The following TMEM125 variants were observed in gnomAD, a reference collection of about 807,000 sequenced individuals.
TMEM125 encodes the protein transmembrane protein 125.
A neutral mutation model predicts 8.7 loss-of-function variants in TMEM125; 11 were observed. The observed-to-expected ratio is 1.26, with a 90% CI of 0.79 to 2.08. The LOEUF is 2.08. TMEM125 is among the 30% of genes most tolerant of loss of function. TMEM125 has a pLI of 0.00. For synonymous variants in TMEM125, 144 were observed against 146.1 expected (o/e 0.99, Z 0.10); for missense variants, 270 against 302.4 (o/e 0.89, Z 0.79).
chr1:43,270,372 G>A (rs1273704922), intron 1 of TMEM125, among the ~76,000 whole-genome samples: 9 of 152,044 alleles, frequency 5.9e-5, no homozygotes, highest in Admixed American at 2.6e-4. Context: ...CTGGGGCAGG[G>A]GTGGAAGCTG....
rs1379305194 is a variant in TMEM125, at chr1:43,273,766, C to G, written c.*384C>G. The G allele has an allele frequency of 4.3e-6, 1 of 232,610 alleles. No homozygotes were observed. Among genetic ancestry groups the G allele is most frequent in the Non-Finnish European group, 9.2e-6 (1 of 108,978 alleles). 14.4% of individuals were successfully genotyped at this position (232,610 alleles called of 1,614,324 possible). ...TGACTGGTGCCCACCCAAGACTGCA[C>G]CAGTGCCTGCTCATTGAGGAGAGTA... On this transcript the variant is annotated 3_prime_UTR_variant, in exon 4 of 4. Transcript: ENST00000439858.
Position 43,273,421 on chromosome 1 carries a change from C to T in TMEM125, c.*39C>T, listed in dbSNP as rs766647593. ...GTCCTTCTTCTCACAGCGGCCTCAG[C>T]GTCCCCAGAGCCGAGCCAGGGTGTG... is the stretch of plus-strand genomic sequence containing the variant. On this transcript the variant is annotated 3_prime_UTR_variant, in exon 4 of 4. Coordinates refer to ENST00000439858, the MANE Select transcript of TMEM125 (RefSeq NM_144626.3). The T allele has an allele frequency of 5.1e-6, 8 of 1,580,470 alleles. No homozygotes were observed. Among genetic ancestry groups the T allele is most frequent in the African/African-American group, 1.3e-5 (1 of 74,364 alleles).
At position 43,272,939 on chromosome 1, in the gene TMEM125, G is replaced by A; in HGVS notation, c.217G>A (p.Val73Met). Residue 73 changes from valine to methionine, a missense_variant, in exon 4 of 4, where the codon GTG becomes ATG. This residue lies in a region of TMEM125 where 215 missense variants were observed against 216.5 expected (regional missense o/e 0.99). Coordinates refer to ENST00000439858, the MANE Select transcript of TMEM125 (RefSeq NM_144626.3). This position sits in a 1 kb window ranked among gnomAD's most constrained non-coding sequence, Gnocchi z 5.0. ...TGAATGGCGGCTAGCAACGGGCACT[G>A]TGCTCTGTTTGCTGGCTCTGCTGGT... ...SGEWRLATGTVLCLLALLVLV... is the reference protein window; with the variant it reads ...SGEWRLATGTMLCLLALLVLV... The A allele has an allele frequency of 6.2e-7, 1 of 1,606,156 alleles. No individual in the cohort carries two copies.
At position 43,273,980 on chromosome 1, in the gene TMEM125, G is replaced by C. The variant is rs987508610; in HGVS notation, c.*598G>C. The C allele has an allele frequency of 6.0e-6, 1 of 166,778 alleles. No homozygotes were observed. Among genetic ancestry groups the C allele is most frequent in the Non-Finnish European group, 1.5e-5 (1 of 68,704 alleles). 10.3% of individuals were successfully genotyped at this position (166,778 alleles called of 1,614,324 possible). A position where few individuals can be genotyped will look rare whatever the true frequency, so the allele number is the denominator to read the frequency against. On this transcript the variant is annotated 3_prime_UTR_variant, in exon 4 of 4. Transcript: ENST00000439858. ...CATGGCTGATTGGCAATAAAATGGC[G>C]GCTGCCGTTGTCATTGTCTCCATCT... is the stretch of plus-strand genomic sequence containing the variant.
At position 43,271,816 on chromosome 1, in the gene TMEM125, A is replaced by G. The variant is rs1184582178; in HGVS notation, c.-301-368A>G. On this transcript the variant is annotated intron_variant, in intron 2 of 3. Coordinates refer to ENST00000439858, the MANE Select transcript of TMEM125 (RefSeq NM_144626.3). This position sits in a 1 kb window ranked among gnomAD's most constrained non-coding sequence, Gnocchi z 4.9. The stretch of plus-strand genomic sequence containing the variant: ...CCCAGGGACAGGACGTGGATTAGAT[A>G]CAGCAGAGGGAGGAGGAGCTGGCTG... 6.6e-6 allele frequency among the ~76,000 whole-genome samples: 1 copy of G among 152,222 alleles called. No individual in the cohort carries two copies.
rs1206737912 is a variant in TMEM125 at position 43,272,482 on chromosome 1, T to C, written c.-145-96T>C. On this transcript the variant is annotated intron_variant, in intron 3 of 3. Transcript: ENST00000439858. The surrounding 1 kb of genome is among the most constrained non-coding windows in gnomAD (Gnocchi z 5.0). ...TCCCAGGGGAGATTCGGGGGAACACTGGGGTGGATTCTCAGGGATCATCCC... is the reference window on the plus strand; with the variant it reads ...TCCCAGGGGAGATTCGGGGGAACACCGGGGTGGATTCTCAGGGATCATCCC... 1.4e-5 allele frequency: 6 copies of C among 432,980 alleles called. No individual in the cohort carries two copies. The highest frequency in any genetic ancestry group is 1.0e-4 in the African/African-American group (5 of 48,814). The allele number at this position is 432,980 out of a possible 1,614,324, so 26.8% of individuals were successfully genotyped here.
chr1:43,272,369 A>C lies in TMEM125; in HGVS notation c.-146+30A>C. 5.4e-6 allele frequency: 1 copy of C among 183,588 alleles called. No individual in the cohort carries two copies. Among genetic ancestry groups the C allele is most frequent in the Non-Finnish European group, 1.1e-5 (1 of 89,074 alleles). The allele number at this position is 183,588 out of a possible 1,614,324, so 11.4% of individuals were successfully genotyped here. On this transcript the variant is annotated intron_variant, in intron 3 of 3. Coordinates refer to ENST00000439858, the MANE Select transcript of TMEM125 (RefSeq NM_144626.3). The surrounding 1 kb of genome is among the most constrained non-coding windows in gnomAD (Gnocchi z 5.0). ...GGGCCTGGGTGAGGGGATTCCCTGG[A>C]GGGTTTTAGGGGGTACCCTATGGGC...
In TMEM125 at chr1:43,272,115, A is replaced by G. The variant is rs1407447371; in HGVS notation, c.-301-69A>G. On this transcript the variant is annotated intron_variant, in intron 2 of 3. Coordinates refer to ENST00000439858, the MANE Select transcript of TMEM125 (RefSeq NM_144626.3). This position sits in a 1 kb window ranked among gnomAD's most constrained non-coding sequence, Gnocchi z 5.0. The stretch of plus-strand genomic sequence containing the variant: ...GGAGGAGACACAGCCCTAAAAGAGA[A>G]GTGTCAAGGTCAGTCAGGCTTCTGG... The G allele has an allele frequency of 2.0e-5, 3 of 152,138 alleles. No homozygotes were observed. The highest frequency in any genetic ancestry group is 7.3e-5 in the African/African-American group (3 of 41,358). 9.4% of individuals were successfully genotyped at this position (152,138 alleles called of 1,614,324 possible).
rs1248501162 is a variant in TMEM125 at position 43,271,951 on chromosome 1, A to G, written c.-301-233A>G. 6.6e-6 allele frequency among the ~76,000 whole-genome samples: 1 copy of G among 152,124 alleles called. No homozygotes were observed. Among genetic ancestry groups the G allele is most frequent in the Non-Finnish European group, 1.5e-5 (1 of 68,018 alleles). On this transcript the variant is annotated intron_variant, in intron 2 of 3. Transcript: ENST00000439858. This position sits in a 1 kb window ranked among gnomAD's most constrained non-coding sequence, Gnocchi z 4.9. ...GCATCACAGGGACATCAAGGTGACA[A>G]TTGACTCAGGACGGAGATGTAGGTT...
Position 43,273,094 on chromosome 1 carries a change from G to T in TMEM125, c.372G>T (p.Leu124=). 6.2e-7 allele frequency: 1 copy of T among 1,609,738 alleles called. No homozygotes were observed. ...TGGTGCTGCTCAGTGGCCTCGTGCT[G>T]CTGGTCACCGGCCTGACCCTGGCCG... ...ALVVLLSGLV[L]LVTGLTLAGL... is the part of the protein sequence containing the mutation. The change falls in exon 4 of 4, where the codon CTG becomes CTT. Residue 124 remains leucine, a synonymous_variant. Coordinates refer to ENST00000439858, the MANE Select transcript of TMEM125 (RefSeq NM_144626.3).
Position 43,273,139 on chromosome 1 carries a change from C to CCCTGCT in TMEM125, c.419_424dup (p.Pro140_Ala141dup), listed in dbSNP as rs765397581. ...TGGCCGGGCTGGCCGCCGCCCCTGC[C>CCCTGCT]CCTGCTCGGCCGCTGGCCGCCATGC... On this transcript the variant is annotated inframe_insertion, in exon 4 of 4. Coordinates refer to ENST00000439858, the MANE Select transcript of TMEM125 (RefSeq NM_144626.3). The CCCTGCT allele has an allele frequency of 6.2e-6, 10 of 1,612,454 alleles. No individual in the cohort carries two copies. In the African/African-American group the frequency reaches 1.3e-4, roughly 22 times the overall value.
In TMEM125 at chr1:43,273,102, C is replaced by T; in HGVS notation, c.380C>T (p.Thr127Ile). Reference sequence around the variant, plus strand: ...CTCAGTGGCCTCGTGCTGCTGGTCACCGGCCTGACCCTGGCCGGGCTGGCC... The same window carrying T: ...CTCAGTGGCCTCGTGCTGCTGGTCATCGGCCTGACCCTGGCCGGGCTGGCC... ...VLLSGLVLLV[T>I]GLTLAGLAAA... Residue 127 changes from threonine (T) to isoleucine (I), a missense_variant, in exon 4 of 4, where the codon ACC (threonine) becomes ATC (isoleucine). Coordinates refer to ENST00000439858, the MANE Select transcript of TMEM125 (RefSeq NM_144626.3). The T allele has an allele frequency of 6.2e-7, 1 of 1,609,972 alleles. No homozygotes were observed. The highest frequency in any genetic ancestry group is 8.5e-7 in the Non-Finnish European group (1 of 1,177,840).
chr1:43,271,964 G>A lies in TMEM125; in HGVS notation c.-301-220G>A, dbSNP rs1265236206. Among the ~76,000 whole-genome samples, 3 of 152,148 alleles carry A rather than the reference G, an allele frequency of 2.0e-5. No individual in the cohort carries two copies. The highest frequency in any genetic ancestry group is 2.9e-5 in the Non-Finnish European group (2 of 68,016). The stretch of plus-strand genomic sequence containing the variant: ...ATCAAGGTGACAATTGACTCAGGAC[G>A]GAGATGTAGGTTGGAGAGAGGAATT... On this transcript the variant is annotated intron_variant, in intron 2 of 3. Transcript: ENST00000439858. This position sits in a 1 kb window ranked among gnomAD's most constrained non-coding sequence, Gnocchi z 4.9.
In TMEM125 at chr1:43,271,405, C is replaced by T. The variant is rs1429044531; in HGVS notation, c.-302+612C>T. Among the ~76,000 whole-genome samples the T allele has an allele frequency of 1.3e-5, 2 of 152,238 alleles. No individual in the cohort carries two copies. Among genetic ancestry groups the T allele is most frequent in the Admixed American group, 1.3e-4 (2 of 15,290 alleles). ...GCAGGGCTCTGGGCTGACTAACCCA[C>T]ACCCACACTTAGCACAGGCACTGGC... On this transcript the variant is annotated intron_variant, in intron 2 of 3. Transcript: ENST00000439858. This position sits in a 1 kb window ranked among gnomAD's most constrained non-coding sequence, Gnocchi z 4.9.
In TMEM125 at chr1:43,272,258, T is replaced by C. The variant is rs1372058662; in HGVS notation, c.-227T>C. The C allele has an allele frequency of 1.3e-5, 2 of 153,746 alleles. No homozygotes were observed. Among genetic ancestry groups the C allele is most frequent in the Admixed American group, 6.5e-5 (1 of 15,316 alleles). 9.5% of individuals were successfully genotyped at this position (153,746 alleles called of 1,614,324 possible). A position where few individuals can be genotyped will look rare whatever the true frequency, so the allele number is the denominator to read the frequency against. ...CTGAATGAGGCTTTATCTCTGGCTG[T>C]TCGTCCCATCGTCCACCGTGGCACC... On this transcript the variant is annotated 5_prime_UTR_variant, in exon 3 of 4. Coordinates refer to ENST00000439858, the MANE Select transcript of TMEM125 (RefSeq NM_144626.3). This position sits in a 1 kb window ranked among gnomAD's most constrained non-coding sequence, Gnocchi z 5.0.
Position 43,273,202 on chromosome 1 carries a change from T to G in TMEM125, c.480T>G (p.Leu160=), listed in dbSNP as rs369358559. The G allele has an allele frequency of 1.2e-6, 2 of 1,614,066 alleles. No individual in the cohort carries two copies. The highest frequency in any genetic ancestry group is 1.7e-6 in the Non-Finnish European group (2 of 1,180,024). ...VGIALAALGS[L]LLLGLLLYQV... is the part of the protein sequence containing the mutation. ...TTGCTCTGGCTGCCTTGGGCTCGCTTTTGCTGCTGGGCCTGCTGCTGTATC... is the reference window on the plus strand; with the variant it reads ...TTGCTCTGGCTGCCTTGGGCTCGCTGTTGCTGCTGGGCCTGCTGCTGTATC... Residue 160 remains leucine (L), a synonymous_variant, in exon 4 of 4, where the codon CTT becomes CTG. Coordinates refer to ENST00000439858, the MANE Select transcript of TMEM125 (RefSeq NM_144626.3).
Position 43,273,274 on chromosome 1 carries a change from C to T in TMEM125, c.552C>T (p.Pro184=). The stretch of plus-strand genomic sequence containing the variant: ...GCCCCTCCATCTGTATGGCCACTCC[C>T]TCCACCCACAGTGGCCATGGCGGCC... ...GHCPSICMAT[P]STHSGHGGHG... is the part of the protein sequence containing the mutation. Residue 184 remains proline (P), a synonymous_variant, in exon 4 of 4, where the codon CCC becomes CCT. Coordinates refer to ENST00000439858, the MANE Select transcript of TMEM125 (RefSeq NM_144626.3). The T allele has an allele frequency of 1.2e-6, 2 of 1,614,188 alleles. No homozygotes were observed. Among genetic ancestry groups the T allele is most frequent in the Non-Finnish European group, 1.7e-6 (2 of 1,180,016 alleles).
Position 43,271,252 on chromosome 1 carries a change from A to C in TMEM125, c.-302+459A>C, listed in dbSNP as rs1420426983. On this transcript the variant is annotated intron_variant, in intron 2 of 3. Transcript: ENST00000439858. This position sits in a 1 kb window ranked among gnomAD's most constrained non-coding sequence, Gnocchi z 4.9. ...ACTGGAATTCTGAAACGAAGATGTC[A>C]GGTGACTCATCCCCACCCCTCAAGA... 1 of 152,308 alleles carries C rather than the reference A, an allele frequency of 6.6e-6. No homozygotes were observed. The highest frequency in any genetic ancestry group is 2.4e-5 in the African/African-American group (1 of 41,454). The allele number at this position is 152,308 out of a possible 1,614,324, so 9.4% of individuals were successfully genotyped here.
rs757728676 is a variant in TMEM125 at position 43,271,799 on chromosome 1, C to A, written c.-301-385C>A. 9.2e-5 allele frequency among the ~76,000 whole-genome samples: 14 copies of A among 152,112 alleles called. No homozygotes were observed. The highest frequency in any genetic ancestry group is 2.0e-4 in the Admixed American group (3 of 15,278). ...ATGTTTAGAGGTGGAGCCCCAGGGA[C>A]AGGACGTGGATTAGATACAGCAGAG... On this transcript the variant is annotated intron_variant, in intron 2 of 3. Transcript: ENST00000439858. The surrounding 1 kb of genome is among the most constrained non-coding windows in gnomAD (Gnocchi z 4.9).
Sources: gnomAD v4.1 joint callset for allele counts (sites outside exome capture counted in the v4.1 genomes callset) on GRCh38, gnomAD v4.1.1 for gene constraint, gnomAD v4.1.1 regional missense constraint, Gnocchi (gnomAD v3.1) non-coding constraint, MANE v1.5 for transcripts, NCBI Gene and HGNC (gene_info 2026-07-23, HGNC 2026-07-21) for gene names.